The following IMMP2L variants were observed in gnomAD, a reference collection of about 807,000 sequenced individuals.
The protein encoded by IMMP2L is inner mitochondrial membrane peptidase subunit 2.
A neutral mutation model predicts 19.3 loss-of-function variants in IMMP2L; 18 were observed. The observed-to-expected ratio is 0.93, with a 90% CI of 0.64 to 1.38. The LOEUF is 1.38. IMMP2L is among the 40% of genes most tolerant of loss of function. IMMP2L has a pLI of 0.00. For synonymous variants in IMMP2L, 76 were observed against 73.0 expected, an observed-to-expected ratio of 1.04 and a Z score of -0.21; for missense variants, 233 against 218.2, an observed-to-expected ratio of 1.07 and a Z score of -0.43.
intron 3 of IMMP2L, among the ~76,000 whole-genome samples, chr7:111,033,704 G>T (rs1276608738): frequency 6.6e-6 from 1 of 152,152 alleles, no homozygotes; most frequent in African/African-American, 2.4e-5. Context: ...AGTGAAATAT[G>T]GCAATCTGAG....
chr7:110,725,497 ATTCT>A (rs1366136101), intron 5 of IMMP2L, among the ~76,000 whole-genome samples: 1 of 152,090 alleles, frequency 6.6e-6, no homozygotes, highest in African/African-American at 2.4e-5. Flanking sequence ...TTAAAAGAAT[ATTCT>A]TATTTTATAA....
At chr7:111,079,990 C>T in intron 3 of IMMP2L, among the ~76,000 whole-genome samples, 1 of 149,984 alleles carries the variant, frequency 6.7e-6, no homozygotes. Context: ...CAGCCCCTTA[C>T]CTTGAACTTC....
intron 3 of IMMP2L, among the ~76,000 whole-genome samples, chr7:111,358,138 T>C (rs1452205260): frequency 6.7e-6 from 1 of 150,214 alleles, no homozygotes; most frequent in Non-Finnish European, 1.5e-5. Context: ...CACTCTAGAA[T>C]GAACTATTTG....
intron 3 of IMMP2L, among the ~76,000 whole-genome samples, chr7:111,142,710 G>C (rs1374741490): frequency 6.6e-6 from 1 of 152,068 alleles, no homozygotes; most frequent in Non-Finnish European, 1.5e-5. Context: ...GTGTGTTAAT[G>C]AGAAAAAGAC....
chr7:111,326,449 A>G (rs914654651), intron 3 of IMMP2L, among the ~76,000 whole-genome samples: 10 of 151,856 alleles, frequency 6.6e-5, no homozygotes, highest in Non-Finnish European at 1.5e-4. Flanking sequence ...AAGCTGTACA[A>G]TGCCTCAATT....
At chr7:110,835,588 T>G (rs1804372232) in intron 5 of IMMP2L, among the ~76,000 whole-genome samples, 1 of 151,874 alleles carries the variant, frequency 6.6e-6, no homozygotes, top group Non-Finnish European at 1.5e-5. Context: ...AAATCATTTC[T>G]CCAAACTAAA....
chr7:111,265,722 TG>T (rs1229345800), intron 3 of IMMP2L, among the ~76,000 whole-genome samples: 4 of 151,862 alleles, frequency 2.6e-5, no homozygotes, highest in Non-Finnish European at 5.9e-5. Flanking sequence ...AGTAGCAGAG[TG>T]AGATGATCCA....
chr7:111,540,629 T>C (rs2132954683), intron 1 of IMMP2L, among the ~76,000 whole-genome samples: 1 of 152,264 alleles, frequency 6.6e-6, no homozygotes, highest in South Asian at 2.1e-4. Flanking sequence ...CCCAAGAGTG[T>C]TAGTTACCGT....
chr7:111,013,187 C>T (rs906769933), intron 3 of IMMP2L, among the ~76,000 whole-genome samples: 6 of 152,040 alleles, frequency 3.9e-5, no homozygotes, highest in Admixed American at 1.3e-4. Context: ...TGTGAGACTG[C>T]AAAAGACCTT....
At chr7:110,973,507 T>C (rs1820369085) in intron 3 of IMMP2L, among the ~76,000 whole-genome samples, 1 of 152,100 alleles carries the variant, frequency 6.6e-6, no homozygotes, top group African/African-American at 2.4e-5. Context: ...GAGGCATGTG[T>C]TTTTCATAAA....
At chr7:111,135,453 C>T (rs1162459742) in intron 3 of IMMP2L, among the ~76,000 whole-genome samples, 2 of 152,094 alleles carry the variant, frequency 1.3e-5, no homozygotes, top group Non-Finnish European at 2.9e-5. Flanking sequence ...TGTGACAGAG[C>T]TGTGTCTTTC....
chr7:111,507,879 T>C (rs1233701666), intron 2 of IMMP2L, among the ~76,000 whole-genome samples: 1 of 152,136 alleles, frequency 6.6e-6, no homozygotes, highest in Non-Finnish European at 1.5e-5. Context: ...AAAATCTCCG[T>C]CATCAGGATA....
rs2129552232 is a variant in IMMP2L at position 110,935,131 on chromosome 7, G to C, written c.305+28369C>G. On this transcript the variant is annotated intron_variant, in intron 4 of 5. Coordinates refer to ENST00000405709, the MANE Select transcript of IMMP2L (RefSeq NM_032549.4). ...ATTTGTTATGTTTTTTCAGTGGCTG[G>C]TACTGGTTGTTCCTTTACATGTTTA... 2.0e-5 allele frequency among the ~76,000 whole-genome samples: 3 copies of C among 152,236 alleles called. No homozygotes were observed. In the Middle Eastern group the frequency reaches 0.01, roughly 518 times the overall value.
chr7:111,352,757 A>C (rs1314369090), intron 3 of IMMP2L, among the ~76,000 whole-genome samples: 1 of 151,866 alleles, frequency 6.6e-6, no homozygotes, highest in Non-Finnish European at 1.5e-5. Context: ...GACCTGTAGC[A>C]CTCTGATTTG....
chr7:111,072,865 T>C (rs571793204), intron 3 of IMMP2L, among the ~76,000 whole-genome samples: 1 of 144,662 alleles, frequency 6.9e-6, no homozygotes, highest in Non-Finnish European at 1.5e-5. Context: ...ATTGCACCAC[T>C]GCATTCCAGC....
intron 3 of IMMP2L, among the ~76,000 whole-genome samples, chr7:111,098,876 T>C (rs542644924): frequency 6.6e-6 from 1 of 151,918 alleles, no homozygotes; most frequent in African/African-American, 2.4e-5. Flanking sequence ...AGCTAGTTGA[T>C]ATCGCCTTCC....
chr7:111,005,282 A>G (rs1420949783), intron 3 of IMMP2L, among the ~76,000 whole-genome samples: 1 of 152,170 alleles, frequency 6.6e-6, no homozygotes, highest in Non-Finnish European at 1.5e-5. Flanking sequence ...TCCTTATGCT[A>G]TCTTTCCTAT....
intron 3 of IMMP2L, among the ~76,000 whole-genome samples, chr7:111,048,266 GAAAAAAAGA>G (rs1792642962): frequency 7.2e-5 from 8 of 110,770 alleles, no homozygotes; most frequent in African/African-American, 2.7e-4. Context: ...AAAAAAAAAA[GAAAAAAAGA>G]AAAAAGAAAA....
At chr7:111,021,017 A>T (rs371505333) in intron 3 of IMMP2L, among the ~76,000 whole-genome samples, 1 of 152,222 alleles carries the variant, frequency 6.6e-6, no homozygotes, top group East Asian at 1.9e-4. Flanking sequence ...GTATTTCCTC[A>T]TTTGACTTTA....
Sources: allele counts gnomAD v4.1 joint callset (sites outside exome capture counted in the v4.1 genomes callset), GRCh38; gene constraint gnomAD v4.1.1; transcripts MANE v1.5; gene names NCBI Gene and HGNC (gene_info 2026-07-23, HGNC 2026-07-21).